ITGAE: variants seen among roughly 807,000 people sequenced by gnomAD.
The protein encoded by ITGAE is integrin subunit alpha E.
A neutral mutation model predicts 136.5 loss-of-function variants in ITGAE; 99 were observed. That is an observed-to-expected ratio of 0.73 (90% confidence interval 0.62 to 0.86). ITGAE has a LOEUF of 0.86. ITGAE is among the 40% of genes least tolerant of loss of function. The pLI is 0.00. For missense variants in ITGAE, 1,447 were observed against 1,515.3 expected (o/e 0.95, Z 0.75); for synonymous variants, 613 against 591.8 (o/e 1.04, Z -0.52).
In ITGAE at chr17:3,798,235, C is replaced by G. The variant is rs1046260659; in HGVS notation, c.34+2876G>C. Among the ~76,000 whole-genome samples the G allele has an allele frequency of 2.0e-5, 3 of 152,200 alleles. No homozygotes were observed. The highest frequency in any genetic ancestry group is 7.2e-5 in the African/African-American group (3 of 41,452). Reference sequence around the variant, plus strand: ...CCTTCCCTACCCCCGTGCTGTGACACCCTGCCGGGGCCGGGGAGGCTACTG... The same window carrying G: ...CCTTCCCTACCCCCGTGCTGTGACAGCCTGCCGGGGCCGGGGAGGCTACTG... On this transcript the variant is annotated intron_variant, in intron 1 of 30. Transcript: ENST00000263087. This position sits in a 1 kb window ranked among gnomAD's most constrained non-coding sequence, Gnocchi z 4.3.
At chr17:3,778,305 G>A (rs1452518352) in intron 1 of ITGAE, among the ~76,000 whole-genome samples, 1 of 152,318 alleles carries the variant, frequency 6.6e-6, no homozygotes, top group East Asian at 1.9e-4. Flanking sequence ...GCTCATGCCT[G>A]TAATCCCAGC....
chr17:3,755,057 A>T (rs1486430947), intron 12 of ITGAE, 60 bp downstream of exon 12: 113 of 330,390 alleles, frequency 3.4e-4, no homozygotes, highest in Middle Eastern at 1.5e-3. Flanking sequence ...TCGCCCAGGG[A>T]GCCTCCAGGC....
chr17:3,764,235 T>A (rs1291878894), intron 2 of ITGAE, among the ~76,000 whole-genome samples: 1 of 152,108 alleles, frequency 6.6e-6, no homozygotes, highest in Non-Finnish European at 1.5e-5. Context: ...AAAACTCTGC[T>A]CTCTTATGGG....
chr17:3,787,797 C>T (rs1294985255), intron 1 of ITGAE, among the ~76,000 whole-genome samples: 1 of 151,846 alleles, frequency 6.6e-6, no homozygotes, highest in Non-Finnish European at 1.5e-5. Flanking sequence ...AAGTGATTCT[C>T]CTGCCTCAGC....
intron 1 of ITGAE, among the ~76,000 whole-genome samples, chr17:3,791,258 A>C (rs868413604): frequency 5.3e-5 from 8 of 151,956 alleles, no homozygotes; most frequent in African/African-American, 1.7e-4. Context: ...AGGTGGTAAG[A>C]ACATTGTGGC....
chr17:3,793,973 CTTTTTTTT>C (rs5818917), intron 1 of ITGAE, among the ~76,000 whole-genome samples: 2 of 81,198 alleles, frequency 2.5e-5, no homozygotes, highest in Non-Finnish European at 4.6e-5. Context: ...CCTCTTCATC[CTTTTTTTT>C]TTTTTTTTTT....
Position 3,720,401 on chromosome 17 carries a change from A to G in ITGAE, c.3239T>C (p.Leu1080Ser). ...CTGCAGTTCAGTTACATCTTTTAGT[A>G]ACTAGAAGATGGGGAAAGGAATGAG... ...AEISWDHSEE[L>S]LKDVTELQIL... The change falls in exon 29 of 31, where the codon TTA becomes TCA. Residue 1080 changes from leucine (L) to serine (S), a missense_variant and splice_region_variant. Coordinates refer to ENST00000263087, the MANE Select transcript of ITGAE (RefSeq NM_002208.5). 1 of 1,399,732 alleles carries G rather than the reference A, an allele frequency of 7.1e-7. No homozygotes were observed. The highest frequency in any genetic ancestry group is 1.0e-6 in the Non-Finnish European group (1 of 984,620). 86.7% of individuals were successfully genotyped at this position (1,399,732 alleles called of 1,614,324 possible).
intron 3 of ITGAE, among the ~76,000 whole-genome samples, chr17:3,763,203 C>G (rs565320278): frequency 6.6e-6 from 1 of 152,208 alleles, no homozygotes; most frequent in East Asian, 1.9e-4. Context: ...TCAGACAAGA[C>G]AAGGATTCTA....
At chr17:3,765,422 T>TG (rs2052276059) in intron 2 of ITGAE, among the ~76,000 whole-genome samples, 1 of 143,436 alleles carries the variant, frequency 7.0e-6, no homozygotes, top group Non-Finnish European at 1.5e-5. Context: ...CACAGGAAGG[T>TG]GGGGCAGAAA....
chr17:3,744,875 C>T (rs2051675591), intron 18 of ITGAE, among the ~76,000 whole-genome samples: 1 of 152,182 alleles, frequency 6.6e-6, no homozygotes, highest in Non-Finnish European at 1.5e-5. Context: ...CCTATAAGAG[C>T]CTCAAGCCCA....
In ITGAE at chr17:3,777,667, G is replaced by A. The variant is rs372933375; in HGVS notation, c.35-7C>T. On this transcript the variant is annotated splice_polypyrimidine_tract_variant and splice_region_variant and intron_variant, in intron 1 of 30. Coordinates refer to ENST00000263087, the MANE Select transcript of ITGAE (RefSeq NM_002208.5). Reference sequence around the variant, plus strand: ...GCGGCCAGCAGGGCCAGGCCTGTAGGGAAAAGAGGAGCGTTTAATGAAAGA... The same window carrying A: ...GCGGCCAGCAGGGCCAGGCCTGTAGAGAAAAGAGGAGCGTTTAATGAAAGA... The A allele has an allele frequency of 1.1e-5, 17 of 1,601,766 alleles. No individual in the cohort carries two copies. The highest frequency in any genetic ancestry group is 1.4e-5 in the Non-Finnish European group (17 of 1,174,002).
intron 22 of ITGAE, 133 bp from the exon 23 acceptor site, chr17:3,731,316 G>T: frequency 1.7e-6 from 1 of 591,934 alleles, no homozygotes; most frequent in South Asian, 2.0e-5. Flanking sequence ...TTCTAACACA[G>T]CATGTTTCCT....
intron 3 of ITGAE, among the ~76,000 whole-genome samples, chr17:3,762,939 C>A (rs995484110): frequency 1.3e-5 from 2 of 151,736 alleles, no homozygotes; most frequent in African/African-American, 4.8e-5. Flanking sequence ...GTTGCCCAGG[C>A]TGGAGTCCAG....
Position 3,731,146 on chromosome 17 carries a change from G to A in ITGAE, c.2792C>T (p.Ala931Val), listed in dbSNP as rs200333390. ...GATGTCTGCTGTCCTGTTTGGAAAG[G>A]CATTCTCCTCTAGCTGCCAAACGAC... ...VSVVWQLEEN[A>V]FPNRTADITV... Residue 931 changes from alanine to valine, a missense_variant, in exon 23 of 31, where the codon GCC becomes GTC. Coordinates refer to ENST00000263087, the MANE Select transcript of ITGAE (RefSeq NM_002208.5). 7.5e-5 allele frequency: 121 copies of A among 1,613,536 alleles called. 1 individual carries two copies. The South Asian group carries it at 1.2e-3, about 17-fold the overall frequency.
intron 2 of ITGAE, among the ~76,000 whole-genome samples, chr17:3,776,259 T>C (rs1269259394): frequency 2.6e-5 from 4 of 151,894 alleles, no homozygotes; most frequent in Non-Finnish European, 4.4e-5. Flanking sequence ...GGTTTCACCA[T>C]GTTGGCCAGG....
At chr17:3,756,519 G>A (rs1410504300) in intron 10 of ITGAE, among the ~76,000 whole-genome samples, 5 of 150,882 alleles carry the variant, frequency 3.3e-5, no homozygotes, top group Non-Finnish European at 5.9e-5. Flanking sequence ...CTTCTGTCTC[G>A]GGCTCCTGAG....
intron 1 of ITGAE, among the ~76,000 whole-genome samples, chr17:3,790,376 G>C (rs768567941): frequency 6.6e-6 from 1 of 151,990 alleles, no homozygotes; most frequent in Non-Finnish European, 1.5e-5. Flanking sequence ...GCGTAGTGGC[G>C]CATGCCTGTA....
chr17:3,746,138 C>A (rs562646073), intron 17 of ITGAE, among the ~76,000 whole-genome samples: 10 of 152,326 alleles, frequency 6.6e-5, no homozygotes, highest in African/African-American at 2.4e-4. Context: ...TGCTCCCGCC[C>A]CAAACCCGGA....
chr17:3,727,978 C>T lies in ITGAE; in HGVS notation c.3025G>A (p.Val1009Ile), dbSNP rs147943854. Residue 1009 changes from valine (V) to isoleucine (I), a missense_variant, in exon 26 of 31, where the codon GTC (valine) becomes ATC (isoleucine). Around this residue, in one of 3 missense-constraint regions of ITGAE, gnomAD observed 1,031 missense variants for 1,011.4 expected, o/e 1.02. Coordinates refer to ENST00000263087, the MANE Select transcript of ITGAE (RefSeq NM_002208.5). Reference sequence around the variant, plus strand: ...TGGAGACCTCGTAATTTGGTTGGGACGCAAATTTGCAACTGGTATTCTGCT... The same window carrying T: ...TGGAGACCTCGTAATTTGGTTGGGATGCAAATTTGCAACTGGTATTCTGCT... ...FGAEYQLQIC[V>I]PTKLRGLQVV... The T allele has an allele frequency of 3.9e-5, 63 of 1,614,058 alleles. No individual in the cohort carries two copies. In the African/African-American group the frequency reaches 5.9e-4, roughly 15 times the overall value.
Sources: allele counts gnomAD v4.1 joint callset (sites outside exome capture counted in the v4.1 genomes callset), GRCh38; gene constraint gnomAD v4.1.1; regional missense constraint gnomAD v4.1.1; non-coding constraint Gnocchi (gnomAD v3.1); transcripts MANE v1.5; gene names NCBI Gene and HGNC (gene_info 2026-07-23, HGNC 2026-07-21).